The following ACP7 variants were observed in gnomAD, a reference collection of about 807,000 sequenced individuals.
ACP7 encodes acid phosphatase 7, tartrate resistant (putative).
A neutral mutation model predicts 60.6 loss-of-function variants in ACP7; 58 were observed. The ratio of observed to expected loss-of-function variants is 0.96; its 90% CI spans 0.77 to 1.19. The LOEUF is 1.19. Ranked by LOEUF, ACP7 falls within the 50% of genes most tolerant of loss-of-function variation. The pLI is 0.00. For missense variants in ACP7, 574 were observed against 596.2 expected (o/e 0.96, Z 0.39); for synonymous variants, 237 against 232.6 (o/e 1.02, Z -0.17).
chr19:39,097,089 T>C (rs1299597361), intron 2 of ACP7, among the ~76,000 whole-genome samples: 5 of 152,206 alleles, frequency 3.3e-5, no homozygotes, highest in African/African-American at 9.6e-5. Flanking sequence ...CATGAGCCAA[T>C]ACACCTGGCT....
intron 2 of ACP7, among the ~76,000 whole-genome samples, chr19:39,097,835 T>C (rs1192027855): frequency 6.6e-6 from 1 of 152,118 alleles, no homozygotes; most frequent in Non-Finnish European, 1.5e-5. Context: ...CTGTTTCACG[T>C]GCTTTATTTA....
chr19:39,101,677 G>A (rs1054240914), intron 11 of ACP7, 140 bp downstream of exon 11: 10 of 910,700 alleles, frequency 1.1e-5, no homozygotes, highest in African/African-American at 1.0e-4. Flanking sequence ...AACTCCTAGC[G>A]GTATGTTCAT....
Position 39,101,539 on chromosome 19 carries a change from T to C in ACP7, c.1113+2T>C. 1 of 1,613,700 alleles carries C rather than the reference T, an allele frequency of 6.2e-7. No individual in the cohort carries two copies. The highest frequency in any genetic ancestry group is 8.5e-7 in the Non-Finnish European group (1 of 1,179,804). On this transcript the variant is annotated splice_donor_variant, in intron 11 of 12. Coordinates refer to ENST00000331256, the MANE Select transcript of ACP7 (RefSeq NM_001004318.3). LOFTEE classifies it high-confidence loss of function. The stretch of plus-strand genomic sequence containing the variant: ...GTCCACATCATCACAGGATCTGCTG[T>C]GAGCAGGGGGAAGGGTGGCTTTGCC...
intron 2 of ACP7, among the ~76,000 whole-genome samples, chr19:39,090,726 C>T (rs1600253580): frequency 6.6e-6 from 1 of 151,636 alleles, no homozygotes; most frequent in South Asian, 2.1e-4. Flanking sequence ...AAGCAATCCA[C>T]CTGCCTCAGC....
In ACP7 at chr19:39,100,613, G is replaced by A; in HGVS notation, c.663G>A (p.Met221Ile). 1.2e-6 allele frequency: 2 copies of A among 1,614,060 alleles called. No homozygotes were observed. Among genetic ancestry groups the A allele is most frequent in the Non-Finnish European group, 1.7e-6 (2 of 1,179,988 alleles). ...NFSNYKARFS[M>I]PGDNEGLWYS... ...CTAACTACAAGGCTCGCTTCAGCAT[G>A]CCGGGGGATAATGAGGGCCTGTGGT... The change falls in exon 6 of 13, where the codon ATG (methionine) becomes ATA (isoleucine). Residue 221 changes from methionine (M) to isoleucine (I), a missense_variant. By Grantham distance (10) the Met-to-Ile change is conservative. Transcript: ENST00000331256.
chr19:39,085,412 C>G, intron 2 of ACP7, 22 bp downstream of exon 2: 1 of 1,597,130 alleles, frequency 6.3e-7, no homozygotes, highest in Non-Finnish European at 8.5e-7. Context: ...TGACTCATTT[C>G]TATGCCTCTA....
Position 39,106,997 on chromosome 19 carries a change from T to G in ACP7, c.1164T>G (p.Ser388Arg). The change falls in exon 12 of 13, where the codon AGT becomes AGG. Residue 388 changes from serine (S) to arginine (R), a missense_variant. By Grantham distance (110) the Ser-to-Arg change is moderately radical. Transcript: ENST00000331256. ...TTGCTGTCTTCCCGAGGCCCTGGAGTGCCGTGCGTGTGAAGGAGTACGGGT... is the reference window on the plus strand; with the variant it reads ...TTGCTGTCTTCCCGAGGCCCTGGAGGGCCGTGCGTGTGAAGGAGTACGGGT... The part of the protein sequence containing the change: ...TPFAVFPRPW[S>R]AVRVKEYGYT... The G allele has an allele frequency of 6.2e-7, 1 of 1,613,922 alleles. No individual in the cohort carries two copies. The highest frequency in any genetic ancestry group is 2.2e-5 in the East Asian group (1 of 44,868).
chr19:39,093,143 C>CTTTCTTTCT lies in ACP7; in HGVS notation c.122-5315_122-5314insTTTCTTTCT, dbSNP rs373399597. 4.1e-4 allele frequency among the ~76,000 whole-genome samples: 43 copies of CTTTCTTTCT among 104,644 alleles called. 1 individual carries two copies. The highest frequency in any genetic ancestry group is 1.4e-3 in the African/African-American group (36 of 26,264). The allele number at this position is 104,644 out of a possible 152,430, so 68.7% of individuals were successfully genotyped here. ...TTCTTTCTTTCCTTCTTCCCTCACT[C>CTTTCTTTCT]CTTTCTTTCTTTCTCTTTCTTTCTT... On this transcript the variant is annotated intron_variant, in intron 2 of 12. Transcript: ENST00000331256.
chr19:39,107,092 A>AG lies in ACP7; in HGVS notation c.1251+12dup. ...CAGGTGTCGGACGACCAGGTCAGTG[A>AG]GGGGCAGGCCGAAGTCACCTGACTG... On this transcript the variant is annotated intron_variant, in intron 12 of 12. Transcript: ENST00000331256. 1 of 1,613,342 alleles carries AG rather than the reference A, an allele frequency of 6.2e-7. No homozygotes were observed. The highest frequency in any genetic ancestry group is 8.5e-7 in the Non-Finnish European group (1 of 1,179,632).
At chr19:39,094,137 C>A (rs1359553335) in intron 2 of ACP7, among the ~76,000 whole-genome samples, 1 of 152,130 alleles carries the variant, frequency 6.6e-6, no homozygotes, top group Non-Finnish European at 1.5e-5. Flanking sequence ...GAATTTGAAG[C>A]TATCACTTCA....
chr19:39,088,598 G>A (rs1250693014), intron 2 of ACP7, among the ~76,000 whole-genome samples: 4 of 152,206 alleles, frequency 2.6e-5, no homozygotes, highest in African/African-American at 9.7e-5. Context: ...TCAACCTTAA[G>A]CTGTAGGTAC....
chr19:39,102,907 G>A (rs1248297719), intron 11 of ACP7, among the ~76,000 whole-genome samples: 3 of 149,862 alleles, frequency 2.0e-5, no homozygotes, highest in Admixed American at 1.3e-4. Flanking sequence ...GCACGATCTC[G>A]GCTCAATGCA....
In ACP7 at chr19:39,100,299, T is replaced by C; in HGVS notation, c.578T>C (p.Val193Ala). 1 of 1,614,098 alleles carries C rather than the reference T, an allele frequency of 6.2e-7. No individual in the cohort carries two copies. Among genetic ancestry groups the C allele is most frequent in the Non-Finnish European group, 8.5e-7 (1 of 1,180,010 alleles). Residue 193 changes from valine (V) to alanine (A), a missense_variant, in exon 5 of 13, where the codon GTG becomes GCG. Coordinates refer to ENST00000331256, the MANE Select transcript of ACP7 (RefSeq NM_001004318.3). The stretch of plus-strand genomic sequence containing the variant: ...AGGTTCATGCGGCTCATTGAACCCG[T>C]GGCTGCCAGCCTGCCGTACATGACA... ...GDRFMRLIEP[V>A]AASLPYMTCP...
At chr19:39,100,911 C>A (rs765668553) in intron 7 of ACP7, 38 bp from the exon 8 acceptor site, 1 of 1,610,818 alleles carries the variant, frequency 6.2e-7, no homozygotes, top group Non-Finnish European at 8.5e-7. Flanking sequence ...CCCTCCACCC[C>A]TGACTCCTAG....
At chr19:39,100,399 T>C (rs1470921348) in intron 5 of ACP7, 49 bp downstream of exon 5, 2 of 1,608,772 alleles carry the variant, frequency 1.2e-6, no homozygotes, top group Admixed American at 3.3e-5. Flanking sequence ...TCAATGGAAA[T>C]GGTCTCGTTC....
Position 39,098,619 on chromosome 19 carries a change from C to G in ACP7, c.283C>G (p.Arg95Gly). 1 of 1,613,306 alleles carries G rather than the reference C, an allele frequency of 6.2e-7. No homozygotes were observed. The highest frequency in any genetic ancestry group is 8.5e-7 in the Non-Finnish European group (1 of 1,179,606). The change falls in exon 3 of 13, where the codon CGA becomes GGA. Residue 95 changes from arginine to glycine, a missense_variant. Transcript: ENST00000331256. ...TCTCCGGCGGAAGCTCTACATACAC[C>G]GAGTCACGCTTCGCAAGCTGCTGCC... ...GILRRKLYIH[R>G]VTLRKLLPGV...
intron 2 of ACP7, among the ~76,000 whole-genome samples, chr19:39,090,916 T>C (rs570805059): frequency 2.0e-5 from 3 of 152,146 alleles, no homozygotes; most frequent in Non-Finnish European, 4.4e-5. Context: ...CAATGATTTA[T>C]TTACATCATG....
chr19:39,088,726 GGTTTGTTTGTTT>G (rs72337815), intron 2 of ACP7, among the ~76,000 whole-genome samples: 25,657 of 149,932 alleles, frequency 0.17, 2,679 homozygotes, highest in East Asian at 0.29. Context: ...GATCTTTGTG[GGTTTGTTTGTTT>G]GTTTGTTTGT....
At chr19:39,095,018 G>A (rs771917890) in intron 2 of ACP7, among the ~76,000 whole-genome samples, 2 of 152,122 alleles carry the variant, frequency 1.3e-5, no homozygotes, top group Non-Finnish European at 2.9e-5. Flanking sequence ...CTCCCTCCAC[G>A]TACCTCTCAC....
Sources: allele counts gnomAD v4.1 joint callset (sites outside exome capture counted in the v4.1 genomes callset), GRCh38; gene constraint gnomAD v4.1.1; transcripts MANE v1.5; gene names NCBI Gene and HGNC (gene_info 2026-07-23, HGNC 2026-07-21).